The following PRKDC variants were observed in gnomAD, a reference collection of about 807,000 sequenced individuals.
PRKDC encodes the protein DNA-dependent protein kinase catalytic subunit.
PRKDC carries 82 observed loss-of-function variants against 486.9 expected under a neutral mutation model. That is an observed-to-expected ratio of 0.17 (90% CI 0.14 to 0.20). PRKDC has a LOEUF of 0.20. Among genes scored for constraint, PRKDC ranks in the 10% least tolerant of loss-of-function variants. The pLI, the probability that PRKDC is intolerant of heterozygous loss-of-function variation, is 1.00. For missense variants in PRKDC, 4,504 were observed against 5,038.2 expected (o/e 0.89, Z 3.21); for synonymous variants, 1,895 against 1,837.0 (o/e 1.03, Z -0.81).
At chr8:47,838,942 T>C (rs550121862) in intron 56 of PRKDC, among the ~76,000 whole-genome samples, 1 of 152,330 alleles carries the variant, frequency 6.6e-6, no homozygotes, top group South Asian at 2.1e-4. Context: ...TTTTCAAGAG[T>C]GTTATTTTTA....
rs1389572379 is a variant in PRKDC, at chr8:47,953,776, T to C, written c.621+31A>G. On this transcript the variant is annotated intron_variant, in intron 6 of 85. Coordinates refer to ENST00000314191, the MANE Select transcript of PRKDC (RefSeq NM_006904.7). ...CAAGAGAAAAACACAACCACATCTA[T>C]GGAAGCAGAATGTCATAAAGTTCAT... The C allele has an allele frequency of 5.1e-6, 8 of 1,577,584 alleles. No individual in the cohort carries two copies. In the East Asian group the frequency reaches 1.1e-4, roughly 22 times the overall value.
rs1475429319 is a variant in PRKDC, at chr8:47,923,201, T to A, written c.2419+3993A>T. ...GTCTCAGCCTCCCAAGTAGCTGGGATTACAGGTGTGCGCCATCATGCCAGG... is the reference window on the plus strand; with the variant it reads ...GTCTCAGCCTCCCAAGTAGCTGGGAATACAGGTGTGCGCCATCATGCCAGG... On this transcript the variant is annotated intron_variant, in intron 21 of 85. Transcript: ENST00000314191. 2.0e-5 allele frequency among the ~76,000 whole-genome samples: 3 copies of A among 152,000 alleles called. 1 individual carries two copies. The highest frequency in any genetic ancestry group is 1.5e-5 in the Non-Finnish European group (1 of 67,986).
intron 54 of PRKDC, among the ~76,000 whole-genome samples, chr8:47,841,928 A>T (rs925921854): frequency 6.6e-6 from 1 of 152,138 alleles, no homozygotes; most frequent in Non-Finnish European, 1.5e-5. Context: ...TGCTGGGCAA[A>T]AAACCCCAGG....
chr8:47,921,010 T>C (rs970851822), intron 21 of PRKDC, among the ~76,000 whole-genome samples: 1 of 152,144 alleles, frequency 6.6e-6, no homozygotes, highest in Admixed American at 6.6e-5. Flanking sequence ...TCCCAGCACT[T>C]TGGGAGGCCG....
chr8:47,892,210 A>C (rs1473520830), intron 31 of PRKDC, among the ~76,000 whole-genome samples: 1 of 152,178 alleles, frequency 6.6e-6, no homozygotes, highest in Non-Finnish European at 1.5e-5. Context: ...TACGTACAAA[A>C]ATAAAATTCC....
At chr8:47,897,871 C>T (rs1179199701) in intron 29 of PRKDC, among the ~76,000 whole-genome samples, 1 of 152,228 alleles carries the variant, frequency 6.6e-6, no homozygotes, top group Non-Finnish European at 1.5e-5. Context: ...TGGGACTGTG[C>T]TTCTCCAGAG....
chr8:47,834,154 A>T, intron 59 of PRKDC, 42 bp downstream of exon 59: 1 of 1,605,282 alleles, frequency 6.2e-7, no homozygotes, highest in East Asian at 2.2e-5. Flanking sequence ...GCAGTAATTT[A>T]GTGGGGAAGC....
intron 23 of PRKDC, 44 bp from the exon 24 acceptor site, chr8:47,914,108 T>G (rs771041243): frequency 1.5e-6 from 2 of 1,377,814 alleles, no homozygotes; most frequent in Non-Finnish European, 1.9e-6. Context: ...TTTTTTCTTT[T>G]TATTAGTGTC....
rs1448286718 is a variant in PRKDC at position 47,840,019 on chromosome 8, T to C, written c.7451A>G (p.Tyr2484Cys). 3 of 1,535,274 alleles carry C rather than the reference T, an allele frequency of 2.0e-6. No homozygotes were observed. Among genetic ancestry groups the C allele is most frequent in the Non-Finnish European group, 2.6e-6 (3 of 1,136,226 alleles). Residue 2484 changes from tyrosine to cysteine, a missense_variant, in exon 55 of 86, where the codon TAC becomes TGC. By Grantham distance (194) the Tyr-to-Cys change is radical (BLOSUM62 -2). This residue lies in a region of PRKDC where 1,592 missense variants were observed against 1,724.6 expected (regional missense o/e 0.92). Transcript: ENST00000314191. Reference sequence around the variant, plus strand: ...AAATAGTCAATGTATAGCTTACCTGTAATTATCATGAATCCACATGAGAAT... The same window carrying C: ...AAATAGTCAATGTATAGCTTACCTGCAATTATCATGAATCCACATGAGAAT... ...YNILMWIHDN[Y>C]RDPESETDND...
At chr8:47,787,750 C>T (rs2086814472) in intron 76 of PRKDC, among the ~76,000 whole-genome samples, 1 of 152,188 alleles carries the variant, frequency 6.6e-6, no homozygotes. Flanking sequence ...ACACAACGTG[C>T]ACACTGGCTG....
At chr8:47,798,180 A>C in intron 73 of PRKDC, 57 bp downstream of exon 73, 1 of 1,548,066 alleles carries the variant, frequency 6.5e-7, no homozygotes, top group African/African-American at 1.4e-5. Flanking sequence ...AATATAAATA[A>C]GCGTATCTTT....
intron 40 of PRKDC, among the ~76,000 whole-genome samples, chr8:47,867,473 T>C (rs1195582106): frequency 1.3e-5 from 2 of 152,266 alleles, no homozygotes; most frequent in African/African-American, 4.8e-5. Context: ...AAAATTTGAC[T>C]GTATATCCTT....
rs530807640 is a variant in PRKDC at position 47,905,327 on chromosome 8, C to T, written c.2935-351G>A. On this transcript the variant is annotated intron_variant, in intron 25 of 85. Transcript: ENST00000314191. ...TACAGGTATGAGCCACCATCCCCAG[C>T]CCCATTAGTTTCCTTTTCCAGTTAA... is the stretch of plus-strand genomic sequence containing the variant. 1.2e-4 allele frequency among the ~76,000 whole-genome samples: 18 copies of T among 152,248 alleles called. No individual in the cohort carries two copies. In the East Asian group the frequency reaches 2.9e-3, roughly 25 times the overall value.
At chr8:47,839,277 A>G (rs2088092180) in intron 55 of PRKDC, 31 bp from the exon 56 acceptor site, 3 of 1,467,814 alleles carry the variant, frequency 2.0e-6, no homozygotes, top group Non-Finnish European at 2.9e-6. Flanking sequence ...ATGTCACAAC[A>G]TTAATGCTCT....
chr8:47,900,707 G>C (rs2089664321), intron 27 of PRKDC, among the ~76,000 whole-genome samples: 1 of 152,030 alleles, frequency 6.6e-6, no homozygotes, highest in African/African-American at 2.4e-5. Context: ...AAATTAGCTG[G>C]GCGCGGTGGC....
intron 51 of PRKDC, among the ~76,000 whole-genome samples, chr8:47,853,653 T>C (rs1252957644): frequency 1.3e-5 from 2 of 152,212 alleles, no homozygotes; most frequent in Non-Finnish European, 2.9e-5. Flanking sequence ...CCGAGGGGCC[T>C]GCATTACTTT....
At chr8:47,776,769 G>A (rs946190004) in intron 85 of PRKDC, 75 bp downstream of exon 85, 2 of 1,540,012 alleles carry the variant, frequency 1.3e-6, no homozygotes, top group African/African-American at 2.8e-5. Flanking sequence ...TCAGCACTTT[G>A]TATATATGTT....
intron 22 of PRKDC, among the ~76,000 whole-genome samples, chr8:47,917,135 G>T (rs146319683): frequency 4.1e-4 from 63 of 152,186 alleles, no homozygotes; most frequent in African/African-American, 1.4e-3. Flanking sequence ...CATGCCTGTG[G>T]TCCCAGCTAC....
intron 36 of PRKDC, among the ~76,000 whole-genome samples, chr8:47,883,598 T>C (rs1286839832): frequency 6.6e-6 from 1 of 152,232 alleles, no homozygotes; most frequent in Non-Finnish European, 1.5e-5. Flanking sequence ...GTTTTCTGTT[T>C]TGTCTTTCAC....
Sources: allele counts gnomAD v4.1 joint callset (sites outside exome capture counted in the v4.1 genomes callset), GRCh38; gene constraint gnomAD v4.1.1; regional missense constraint gnomAD v4.1.1; transcripts MANE v1.5; gene names NCBI Gene and HGNC (gene_info 2026-07-23, HGNC 2026-07-21).